Variants in KIF21B observed in about 807,000 individuals in gnomAD.
The protein encoded by KIF21B is kinesin family member 21B, also known as kinesin-like protein KIF21B.
In KIF21B, 85 loss-of-function variants were observed where a neutral mutation model predicts 192.9. The observed-to-expected ratio is 0.44, with a 90% CI of 0.37 to 0.53. KIF21B has a LOEUF of 0.53. Among genes scored for constraint, KIF21B ranks in the 20% least tolerant of loss-of-function variants. KIF21B has a pLI of 0.00. For missense variants in KIF21B, 1,716 were observed against 2,194.8 expected (o/e 0.78, Z 4.36); for synonymous variants, 832 against 884.6 (o/e 0.94, Z 1.05).
chr1:201,002,265 G>A lies in KIF21B; in HGVS notation c.1298C>T (p.Ala433Val). 1 of 1,614,146 alleles carries A rather than the reference G, an allele frequency of 6.2e-7. No homozygotes were observed. Among genetic ancestry groups the A allele is most frequent in the Non-Finnish European group, 8.5e-7 (1 of 1,180,000 alleles). The change falls in exon 9 of 35, where the codon GCC (alanine) becomes GTC (valine). Residue 433 changes from alanine to valine, a missense_variant. By Grantham distance (64) the Ala-to-Val change is moderately conservative. This residue lies in a region of KIF21B where 1,087 missense variants were observed against 1,316.6 expected (regional missense o/e 0.83). Transcript: ENST00000461742. Reference protein sequence around the residue: ...ENAMLQKENGALRLRVKAMQE... With the variant: ...ENAMLQKENGVLRLRVKAMQE... Reference sequence around the variant, plus strand: ...CATGGCTTTCACCCGCAGCCGCAGGGCCCCATTCTCCTTCTGTAGCATGGC... The same window carrying A: ...CATGGCTTTCACCCGCAGCCGCAGGACCCCATTCTCCTTCTGTAGCATGGC...
chr1:201,011,997 C>G (rs1313443985), intron 1 of KIF21B, among the ~76,000 whole-genome samples: 18 of 152,222 alleles, frequency 1.2e-4, no homozygotes, highest in Non-Finnish European at 2.6e-4. Context: ...CCCGGACCAC[C>G]TGGGGAGCCT....
chr1:200,989,055 T>G lies in KIF21B; in HGVS notation c.3133-124A>C. ...TTTCCAGCTCCCAACATCACCCTTG[T>G]ACCTGGCACAGACCTGAGAGCACCG... On this transcript the variant is annotated intron_variant, in intron 21 of 34. Coordinates refer to ENST00000461742, the MANE Select transcript of KIF21B (RefSeq NM_001252102.2). The G allele has an allele frequency of 4.0e-6, 4 of 999,376 alleles. No individual in the cohort carries two copies. The South Asian group carries it at 5.1e-5, about 13-fold the overall frequency. The allele number at this position is 999,376 out of a possible 1,614,324, so 61.9% of individuals were successfully genotyped here.
chr1:201,015,630 C>T (rs950822921), intron 1 of KIF21B, among the ~76,000 whole-genome samples: 4 of 152,160 alleles, frequency 2.6e-5, no homozygotes, highest in Admixed American at 1.3e-4. Context: ...AGCCAGGCTG[C>T]TGTATCCTCT....
At position 200,986,901 on chromosome 1, in the gene KIF21B, G is replaced by T. The variant is rs1656338556; in HGVS notation, c.3632C>A (p.Ala1211Asp). ...RGSTFPRQSR[A>D]TETSPLTRRK... ...TCTCGTCAGCGGGGACGTCTCTGTG[G>T]CTCGAGATTGCCTAGGGCTACAACA... is the stretch of plus-strand genomic sequence containing the variant. The change falls in exon 26 of 35, where the codon GCC becomes GAC. Residue 1211 changes from alanine to aspartate, a missense_variant. Physicochemically the swap from Ala to Asp is moderately radical, Grantham distance 126 (BLOSUM62 -2). Around this residue, in one of 3 missense-constraint regions of KIF21B, gnomAD observed 580 missense variants for 775.5 expected, o/e 0.75. Coordinates refer to ENST00000461742, the MANE Select transcript of KIF21B (RefSeq NM_001252102.2). 6.2e-7 allele frequency: 1 copy of T among 1,613,914 alleles called. No individual in the cohort carries two copies. The highest frequency in any genetic ancestry group is 1.7e-5 in the Admixed American group (1 of 60,004).
intron 1 of KIF21B, among the ~76,000 whole-genome samples, chr1:201,022,961 A>T (rs1658935675): frequency 1.3e-5 from 2 of 152,214 alleles, no homozygotes; most frequent in Non-Finnish European, 2.9e-5. Context: ...GATGAGGGGA[A>T]ATTTCCCTCT....
intron 3 of KIF21B, among the ~76,000 whole-genome samples, chr1:201,006,276 G>T (rs1177482621): frequency 6.6e-6 from 1 of 152,238 alleles, no homozygotes; most frequent in African/African-American, 2.4e-5. Context: ...ACCATCGTGG[G>T]GAGGGGGCCT....
chr1:200,994,239 T>G (rs1454621944), intron 15 of KIF21B, among the ~76,000 whole-genome samples: 1 of 152,196 alleles, frequency 6.6e-6, no homozygotes, highest in Admixed American at 6.5e-5. Flanking sequence ...CAGCATCACT[T>G]CGCAGGTTTA....
At chr1:200,980,920 G>C (rs1164498334) in intron 29 of KIF21B, 40 bp downstream of exon 29, 1 of 1,596,142 alleles carries the variant, frequency 6.3e-7, no homozygotes, top group Admixed American at 1.8e-5. Context: ...GGGTGAGTAG[G>C]AGACCCCAAC....
In KIF21B at chr1:200,987,163, C is replaced by T. The variant is rs367975021; in HGVS notation, c.3447G>A (p.Ser1149=). The change falls in exon 25 of 35, where the codon TCG becomes TCA. Residue 1149 remains serine (S), a synonymous_variant. Transcript: ENST00000461742. Reference sequence around the variant, plus strand: ...CCAGTGGGGGGCCCAGGCACTCAGCCGACACAGCTTTCATTTGGGCAGACA... The same window carrying T: ...CCAGTGGGGGGCCCAGGCACTCAGCTGACACAGCTTTCATTTGGGCAGACA... ...PKLSAQMKAV[S]AECLGPPLDI... 36 of 1,613,660 alleles carry T rather than the reference C, an allele frequency of 2.2e-5. No individual in the cohort carries two copies. The highest frequency in any genetic ancestry group is 1.2e-4 in the African/African-American group (9 of 74,866).
chr1:201,023,400 G>T lies in KIF21B; in HGVS notation c.-17C>A. On this transcript the variant is annotated 5_prime_UTR_variant, in exon 1 of 35. Transcript: ENST00000461742. The surrounding 1 kb of genome is among the most constrained non-coding windows in gnomAD (Gnocchi z 5.9). ...GCCGGCCATGGCCCTCTGGAGCTAG[G>T]GTCTGGGCGTGGATCAGAGGCGGGG... 6.7e-7 allele frequency: 1 copy of T among 1,495,156 alleles called. No individual in the cohort carries two copies. Among genetic ancestry groups the T allele is most frequent in the South Asian group, 1.3e-5 (1 of 78,860 alleles). 92.6% of individuals were successfully genotyped at this position (1,495,156 alleles called of 1,614,324 possible). A position where few individuals can be genotyped will look rare whatever the true frequency, so the allele number is the denominator to read the frequency against.
At chr1:200,997,459 A>G (rs180908332) in intron 14 of KIF21B, among the ~76,000 whole-genome samples, 2 of 152,316 alleles carry the variant, frequency 1.3e-5, no homozygotes, top group Admixed American at 1.3e-4. Context: ...AAAAACTCCA[A>G]TTCGGCCAGG....
At chr1:200,997,228 T>C (rs1387552247) in intron 14 of KIF21B, among the ~76,000 whole-genome samples, 3 of 152,128 alleles carry the variant, frequency 2.0e-5, no homozygotes, top group African/African-American at 7.2e-5. Context: ...TAAGGCAATG[T>C]CCTTACAATG....
At position 201,002,122 on chromosome 1, in the gene KIF21B, C is replaced by T. The variant is rs751067477; in HGVS notation, c.1402+39G>A. 64 of 1,593,532 alleles carry T rather than the reference C, an allele frequency of 4.0e-5. 1 individual carries two copies. Among genetic ancestry groups the T allele is most frequent in the South Asian group, 2.1e-4 (19 of 90,562 alleles). ...GATGTCGGGGGAGGGAGTCCTAGCC[C>T]GTTGGTGCTCTGACCTGGCCTGGCA... On this transcript the variant is annotated intron_variant, in intron 9 of 34. Coordinates refer to ENST00000461742, the MANE Select transcript of KIF21B (RefSeq NM_001252102.2).
intron 22 of KIF21B, 75 bp downstream of exon 22, chr1:200,988,691 G>A (rs1656468287): frequency 1.3e-6 from 2 of 1,541,138 alleles, no homozygotes; most frequent in Non-Finnish European, 1.8e-6. Flanking sequence ...GGGAAGTGAG[G>A]GCCTTGTGGG....
Position 200,988,556 on chromosome 1 carries a change from CG to C in KIF21B, c.3299-13del. ...GGCGTAGCCATTCTCTGTGGGAGGG[CG>C]GGAGGGAGGGAAAGGGGTTGAGAAG... On this transcript the variant is annotated splice_polypyrimidine_tract_variant and intron_variant, in intron 22 of 34. Coordinates refer to ENST00000461742, the MANE Select transcript of KIF21B (RefSeq NM_001252102.2). The C allele has an allele frequency of 1.1e-5, 3 of 282,536 alleles. No individual in the cohort carries two copies. The highest frequency in any genetic ancestry group is 2.0e-5 in the Non-Finnish European group (3 of 153,236). The allele number at this position is 282,536 out of a possible 1,614,324, so 17.5% of individuals were successfully genotyped here.
At chr1:200,979,891 G>A (rs550553039) in intron 29 of KIF21B, among the ~76,000 whole-genome samples, 176 bp from the exon 30 acceptor site, 1 of 152,324 alleles carries the variant, frequency 6.6e-6, no homozygotes, top group South Asian at 2.1e-4. Flanking sequence ...ACTGGCATGT[G>A]TGTGCTAGTA....
chr1:201,013,202 G>A (rs1035527548), intron 1 of KIF21B, among the ~76,000 whole-genome samples: 1 of 152,194 alleles, frequency 6.6e-6, no homozygotes, highest in Non-Finnish European at 1.5e-5. Context: ...AGGGCTGGGA[G>A]ACATGAGACC....
In KIF21B at chr1:201,011,436, G is replaced by A. The variant is rs145870107; in HGVS notation, c.42-1948C>T. Among the ~76,000 whole-genome samples, 176 of 152,378 alleles carry A rather than the reference G, an allele frequency of 1.2e-3. 1 individual carries two copies. Among genetic ancestry groups the A allele is most frequent in the African/African-American group, 4.1e-3 (170 of 41,586 alleles). ...AGTCACAGGTCACAGACAGTCAGGAGCAGAGCCAGGGCTTGAACCTATGCA... is the reference window on the plus strand; with the variant it reads ...AGTCACAGGTCACAGACAGTCAGGAACAGAGCCAGGGCTTGAACCTATGCA... On this transcript the variant is annotated intron_variant, in intron 1 of 34. Transcript: ENST00000461742.
At chr1:200,994,442 C>T (rs1162595724) in intron 15 of KIF21B, among the ~76,000 whole-genome samples, 1 of 152,204 alleles carries the variant, frequency 6.6e-6, no homozygotes, top group African/African-American at 2.4e-5. Context: ...ACCTAGGCCC[C>T]TCCTGGGATG....
Sources: allele counts gnomAD v4.1 joint callset (sites outside exome capture counted in the v4.1 genomes callset), GRCh38; gene constraint gnomAD v4.1.1; regional missense constraint gnomAD v4.1.1; non-coding constraint Gnocchi (gnomAD v3.1); transcripts MANE v1.5; gene names NCBI Gene and HGNC (gene_info 2026-07-23, HGNC 2026-07-21).